SPINK4: variants seen among roughly 807,000 people sequenced by gnomAD.
The protein encoded by SPINK4 is serine peptidase inhibitor Kazal type 4.
SPINK4 carries 10 observed loss-of-function variants against 12.3 expected under a neutral mutation model. The ratio of observed to expected loss-of-function variants is 0.81; its 90% CI spans 0.50 to 1.37. The LOEUF is 1.37. Ranked by LOEUF, SPINK4 falls within the 40% of genes most tolerant of loss-of-function variation. The pLI is 0.00. For missense variants in SPINK4, 91 were observed against 109.0 expected (o/e 0.84, Z 0.73); for synonymous variants, 37 against 40.2 (o/e 0.92, Z 0.30).
intron 2 of SPINK4, among the ~76,000 whole-genome samples, 185 bp from the exon 3 acceptor site, chr9:33,246,431 C>T (rs994589475): frequency 2.6e-5 from 4 of 152,176 alleles, no homozygotes; most frequent in Non-Finnish European, 5.9e-5. Context: ...TGGTCATGCA[C>T]ACGCACATAC....
chr9:33,245,266 C>A (rs1157061114), intron 2 of SPINK4, 114 bp downstream of exon 2: 2 of 1,001,948 alleles, frequency 2.0e-6, no homozygotes, highest in East Asian at 2.7e-5. Context: ...TTCAATGGCT[C>A]CAAGGTGGCC....
intron 1 of SPINK4, among the ~76,000 whole-genome samples, chr9:33,243,840 T>C (rs1587780176): frequency 6.6e-6 from 1 of 152,350 alleles, no homozygotes; most frequent in East Asian, 1.9e-4. Flanking sequence ...GGAAATACCC[T>C]GTAATAGCAT....
intron 1 of SPINK4, among the ~76,000 whole-genome samples, chr9:33,241,247 G>T (rs907256961): frequency 5.3e-5 from 8 of 152,140 alleles, no homozygotes; most frequent in Non-Finnish European, 1.2e-4. Flanking sequence ...TGATAGGAGA[G>T]GAGATGAGAG....
chr9:33,247,870 A>AT (rs1820301957), intron 3 of SPINK4: 1 of 153,792 alleles, frequency 6.5e-6, no homozygotes, highest in Admixed American at 6.4e-5. Context: ...GAACATCAGG[A>AT]TGTTGTCCTA....
At chr9:33,245,887 G>A (rs1820280342) in intron 2 of SPINK4, among the ~76,000 whole-genome samples, 1 of 152,240 alleles carries the variant, frequency 6.6e-6, no homozygotes, top group Admixed American at 6.5e-5. Context: ...GACTCAGAGA[G>A]TGGAAATACC....
At chr9:33,240,623 A>T (rs1232689746) in intron 1 of SPINK4, among the ~76,000 whole-genome samples, 1 of 152,230 alleles carries the variant, frequency 6.6e-6, no homozygotes, top group Non-Finnish European at 1.5e-5. Context: ...GGAGAGACTG[A>T]CAAGTATGCT....
rs552954146 is a variant in SPINK4 at position 33,241,564 on chromosome 9, G to A, written c.61+1295G>A. Among the ~76,000 whole-genome samples, 3 of 152,326 alleles carry A rather than the reference G, an allele frequency of 2.0e-5. No individual in the cohort carries two copies. In the South Asian group the frequency reaches 6.2e-4, roughly 32 times the overall value. ...CTGGGCACAGGGGGAAAGGGAAACG[G>A]GTCTGGGGACCTGTTCAGGAGCAGC... is the stretch of plus-strand genomic sequence containing the variant. On this transcript the variant is annotated intron_variant, in intron 1 of 3. Coordinates refer to ENST00000379721, the MANE Select transcript of SPINK4 (RefSeq NM_014471.3).
chr9:33,244,395 A>T (rs1820266781), intron 1 of SPINK4, among the ~76,000 whole-genome samples: 1 of 152,180 alleles, frequency 6.6e-6, no homozygotes. Context: ...TCTGAGCTAT[A>T]CATGCAATTT....
At chr9:33,240,669 C>A (rs957610336) in intron 1 of SPINK4, among the ~76,000 whole-genome samples, 4 of 152,220 alleles carry the variant, frequency 2.6e-5, no homozygotes, top group Non-Finnish European at 5.9e-5. Flanking sequence ...GAGACCTGGC[C>A]GAGGTCTTCT....
At chr9:33,242,711 G>C (rs1045041758) in intron 1 of SPINK4, among the ~76,000 whole-genome samples, 4 of 152,038 alleles carry the variant, frequency 2.6e-5, no homozygotes, top group Non-Finnish European at 5.9e-5. Context: ...CTTATCACTC[G>C]ATGAATCTTG....
chr9:33,246,524 C>T, intron 2 of SPINK4, 92 bp from the exon 3 acceptor site: 2 of 1,080,792 alleles, frequency 1.9e-6, no homozygotes, highest in Non-Finnish European at 2.8e-6. Flanking sequence ...TCTGATACCT[C>T]ACTGGGGCCC....
At chr9:33,242,562 G>A (rs984381406) in intron 1 of SPINK4, among the ~76,000 whole-genome samples, 1 of 151,960 alleles carries the variant, frequency 6.6e-6, no homozygotes, top group Non-Finnish European at 1.5e-5. Flanking sequence ...GTCAGCTTAC[G>A]CAGTACCCTA....
rs1820288913 is a variant in SPINK4 at position 33,246,666 on chromosome 9, C to T, written c.153C>T (p.Asn51=). ...VESPTCSQMS[N]LVCGTDGLTY... Reference sequence around the variant, plus strand: ...CTCCAACCTGTTCCCAGATGTCCAACCTGGTCTGCGGCACTGATGGGCTCA... The same window carrying T: ...CTCCAACCTGTTCCCAGATGTCCAATCTGGTCTGCGGCACTGATGGGCTCA... The change falls in exon 3 of 4, where the codon AAC becomes AAT. Residue 51 remains asparagine (N), a synonymous_variant. Transcript: ENST00000379721. 1 of 1,613,994 alleles carries T rather than the reference C, an allele frequency of 6.2e-7. No individual in the cohort carries two copies. The highest frequency in any genetic ancestry group is 1.3e-5 in the African/African-American group (1 of 74,910).
chr9:33,246,719 T>C lies in SPINK4; in HGVS notation c.206T>C (p.Leu69Ser). 1 of 1,613,940 alleles carries C rather than the reference T, an allele frequency of 6.2e-7. No homozygotes were observed. Among genetic ancestry groups the C allele is most frequent in the Non-Finnish European group, 8.5e-7 (1 of 1,179,954 alleles). ...TATACGAATGAATGCCAGCTCTGCT[T>C]GGCCCGGATGTAAGTCTGCCCCACA... ...LTYTNECQLC[L>S]ARIKTKQDIQ... is the part of the protein sequence containing the mutation. Residue 69 changes from leucine to serine, a missense_variant, in exon 3 of 4, where the codon TTG becomes TCG. Leu to Ser is a moderately radical substitution (Grantham distance 145, BLOSUM62 -2). Coordinates refer to ENST00000379721, the MANE Select transcript of SPINK4 (RefSeq NM_014471.3).
chr9:33,245,632 C>T (rs1820277839), intron 2 of SPINK4, among the ~76,000 whole-genome samples: 1 of 152,206 alleles, frequency 6.6e-6, no homozygotes, highest in South Asian at 2.1e-4. Context: ...CCTAATGCCC[C>T]CAGTGACCCA....
rs1477482208 is a variant in SPINK4 at position 33,240,254 on chromosome 9, C to T, written c.46C>T (p.Leu16Phe). Residue 16 changes from leucine (L) to phenylalanine (F), a missense_variant, in exon 1 of 4, where the codon CTT becomes TTT. Physicochemically the swap from Leu to Phe is conservative, Grantham distance 22. Coordinates refer to ENST00000379721, the MANE Select transcript of SPINK4 (RefSeq NM_014471.3). ...WVIALALAAL[L>F]VVDREVPVAA... ...AATCGCCCTGGCCTTGGCTGCCCTCCTTGTTGTGGACAGGGGTGAGTGGGC... is the reference window on the plus strand; with the variant it reads ...AATCGCCCTGGCCTTGGCTGCCCTCTTTGTTGTGGACAGGGGTGAGTGGGC... The T allele has an allele frequency of 6.2e-7, 1 of 1,604,936 alleles. No homozygotes were observed.
At chr9:33,241,886 A>C (rs191822090) in intron 1 of SPINK4, among the ~76,000 whole-genome samples, 13 of 151,918 alleles carry the variant, frequency 8.6e-5, no homozygotes, top group African/African-American at 2.7e-4. Context: ...TTTAAACAAA[A>C]ATTTTTTTTT....
intron 3 of SPINK4, among the ~76,000 whole-genome samples, 174 bp downstream of exon 3, chr9:33,246,902 G>T (rs1441770142): frequency 6.6e-6 from 1 of 152,078 alleles, no homozygotes; most frequent in Admixed American, 6.6e-5. Context: ...AAGGCACATG[G>T]TTCCAAGCAG....
intron 1 of SPINK4, among the ~76,000 whole-genome samples, chr9:33,243,866 A>T (rs1348756317): frequency 6.6e-6 from 1 of 152,132 alleles, no homozygotes; most frequent in Non-Finnish European, 1.5e-5. Context: ...GGAAAATATA[A>T]AACTACATTG....
Sources: allele counts gnomAD v4.1 joint callset (sites outside exome capture counted in the v4.1 genomes callset), GRCh38; gene constraint gnomAD v4.1.1; transcripts MANE v1.5; gene names NCBI Gene and HGNC (gene_info 2026-07-23, HGNC 2026-07-21).